The following PPP3CB variants were observed in gnomAD, a reference collection of about 807,000 sequenced individuals.
The protein encoded by PPP3CB is serine/threonine-protein phosphatase 2B catalytic subunit beta isoform.
A neutral mutation model predicts 66.4 loss-of-function variants in PPP3CB; 8 were observed. The observed-to-expected ratio is 0.12, with a 90% confidence interval of 0.07 to 0.22. PPP3CB has a LOEUF of 0.22. Among genes scored for constraint, PPP3CB ranks in the 10% least tolerant of loss-of-function variants. The pLI is 1.00. For missense variants in PPP3CB, 319 were observed against 642.5 expected, an observed-to-expected ratio of 0.50 and a Z score of 5.44; for synonymous variants, 208 against 221.2, an observed-to-expected ratio of 0.94 and a Z score of 0.53.
intron 10 of PPP3CB, among the ~76,000 whole-genome samples, chr10:73,453,787 T>C (rs2056381467): frequency 6.6e-6 from 1 of 152,232 alleles, no homozygotes; most frequent in Non-Finnish European, 1.5e-5. Flanking sequence ...TAATAAAGTT[T>C]TAAATAAAAA....
intron 3 of PPP3CB, among the ~76,000 whole-genome samples, chr10:73,478,294 A>G (rs2056823122): frequency 6.6e-6 from 1 of 152,262 alleles, no homozygotes; most frequent in South Asian, 2.1e-4. Context: ...TGGCAATTAT[A>G]ATTATATAAA....
At chr10:73,475,082 A>G in intron 3 of PPP3CB, 52 bp from the exon 4 acceptor site, 6 of 1,582,938 alleles carry the variant, frequency 3.8e-6, no homozygotes, top group Non-Finnish European at 5.1e-6. Flanking sequence ...TGTTTAATGA[A>G]GCTGCTTGAT....
intron 10 of PPP3CB, among the ~76,000 whole-genome samples, chr10:73,449,589 G>GA (rs1202584736): frequency 1.3e-5 from 2 of 152,036 alleles, no homozygotes; most frequent in East Asian, 1.9e-4. Context: ...TAAACACCTG[G>GA]AAAAAACTGC....
chr10:73,494,481 G>A (rs1163628901), intron 1 of PPP3CB, among the ~76,000 whole-genome samples: 1 of 151,876 alleles, frequency 6.6e-6, no homozygotes, highest in Non-Finnish European at 1.5e-5. Context: ...TTTTGGTAGA[G>A]AAAAGGTTTC....
chr10:73,451,079 C>G (rs1281877270), intron 10 of PPP3CB, among the ~76,000 whole-genome samples: 4 of 151,828 alleles, frequency 2.6e-5, no homozygotes, highest in African/African-American at 4.8e-5. Context: ...TACCTAAAAC[C>G]AAGTACTATA....
chr10:73,453,552 C>G (rs935324286), intron 10 of PPP3CB, among the ~76,000 whole-genome samples: 1 of 152,050 alleles, frequency 6.6e-6, no homozygotes, highest in African/African-American at 2.4e-5. Flanking sequence ...CGTGAGCCAC[C>G]ACATCTAGCC....
At chr10:73,446,646 T>C in intron 10 of PPP3CB, 73 bp from the exon 11 acceptor site, 1 of 1,379,178 alleles carries the variant, frequency 7.3e-7, no homozygotes, top group Non-Finnish European at 1.0e-6. Context: ...TCTATTAGCC[T>C]GTTCCACACT....
At chr10:73,469,442 T>C (rs765728418) in intron 8 of PPP3CB, among the ~76,000 whole-genome samples, 6 of 152,116 alleles carry the variant, frequency 3.9e-5, no homozygotes, top group Non-Finnish European at 8.8e-5. Flanking sequence ...TAGGGAGGGC[T>C]GAGGCAAGAG....
At chr10:73,486,193 C>T (rs2056973169) in intron 1 of PPP3CB, among the ~76,000 whole-genome samples, 1 of 151,974 alleles carries the variant, frequency 6.6e-6, no homozygotes, top group Non-Finnish European at 1.5e-5. Context: ...ATCCGCCTGC[C>T]TCGGCCTTCC....
At position 73,495,925 on chromosome 10, in the gene PPP3CB, CGGGGTT is replaced by C; in HGVS notation, c.-42_-37del. 1 of 120,712 alleles carries C rather than the reference CGGGGTT, an allele frequency of 8.3e-6. No individual in the cohort carries two copies. Among genetic ancestry groups the C allele is most frequent in the Non-Finnish European group, 1.4e-5 (1 of 71,328 alleles). The allele number at this position is 120,712 out of a possible 1,614,324, so 7.5% of individuals were successfully genotyped here. On this transcript the variant is annotated 5_prime_UTR_variant, in exon 1 of 14. Transcript: ENST00000360663. ...GGGCTCGGCTAGGCTCTGGGCCGGG[CGGGGTT>C]GGGGGCGGGGGCGGCGGCTACCAGA...
At chr10:73,464,115 A>G (rs1276034107) in intron 9 of PPP3CB, among the ~76,000 whole-genome samples, 1 of 152,082 alleles carries the variant, frequency 6.6e-6, no homozygotes, top group Non-Finnish European at 1.5e-5. Context: ...TTTTTAGTGG[A>G]GACAGGGTTT....
At chr10:73,457,691 T>C (rs1375358292) in intron 9 of PPP3CB, among the ~76,000 whole-genome samples, 1 of 147,184 alleles carries the variant, frequency 6.8e-6, no homozygotes, top group African/African-American at 2.5e-5. Flanking sequence ...TGAGCCAAGA[T>C]GGTACCACTG....
At chr10:73,451,529 C>A (rs1216871345) in intron 10 of PPP3CB, among the ~76,000 whole-genome samples, 1 of 151,734 alleles carries the variant, frequency 6.6e-6, no homozygotes, top group East Asian at 1.9e-4. Flanking sequence ...AGCAAGAGTT[C>A]TTGGTCTTAG....
chr10:73,440,065 A>G (rs1441923127), intron 12 of PPP3CB, among the ~76,000 whole-genome samples, 164 bp from the exon 13 acceptor site: 1 of 152,186 alleles, frequency 6.6e-6, no homozygotes, highest in East Asian at 1.9e-4. Flanking sequence ...AGCCCCATCC[A>G]AACCCCCAAT....
intron 1 of PPP3CB, among the ~76,000 whole-genome samples, chr10:73,495,108 G>C (rs1467941361): frequency 6.6e-6 from 1 of 152,186 alleles, no homozygotes; most frequent in African/African-American, 2.4e-5. Flanking sequence ...AACTCCTTTT[G>C]ACCAAAGTGT....
chr10:73,486,295 GTTT>G lies in PPP3CB; in HGVS notation c.86-6781_86-6779del, dbSNP rs1206671127. Among the ~76,000 whole-genome samples, 500 of 117,782 alleles carry G rather than the reference GTTT, an allele frequency of 4.2e-3. 1 individual carries two copies. The highest frequency in any genetic ancestry group is 0.014 in the African/African-American group (413 of 29,154). 77.3% of individuals were successfully genotyped at this position (117,782 alleles called of 152,430 possible). A position where few individuals can be genotyped will look rare whatever the true frequency, so the allele number is the denominator to read the frequency against. On this transcript the variant is annotated intron_variant, in intron 1 of 13. Coordinates refer to ENST00000360663, the MANE Select transcript of PPP3CB (RefSeq NM_021132.4). ...GGGTTTCACTATGTTGGCCAGACTG[GTTT>G]TTTTTTTTTTTTTTTTTTTCTTCTG...
chr10:73,481,488 C>CATAT (rs1259446580), intron 1 of PPP3CB, among the ~76,000 whole-genome samples: 4 of 148,946 alleles, frequency 2.7e-5, no homozygotes, highest in African/African-American at 7.4e-5. Context: ...TATATATATA[C>CATAT]ATATATATAT....
At chr10:73,440,884 C>T (rs985839407) in intron 12 of PPP3CB, among the ~76,000 whole-genome samples, 4 of 152,140 alleles carry the variant, frequency 2.6e-5, no homozygotes. Flanking sequence ...ATTAGTCAAA[C>T]ATTTTATAGT....
At chr10:73,467,755 T>C in intron 8 of PPP3CB, 77 bp from the exon 9 acceptor site, 1 of 1,358,412 alleles carries the variant, frequency 7.4e-7, no homozygotes, top group East Asian at 2.5e-5. Flanking sequence ...ATAAAATACA[T>C]AAAAGCAGAA....
Sources: allele counts gnomAD v4.1 joint callset (sites outside exome capture counted in the v4.1 genomes callset), GRCh38; gene constraint gnomAD v4.1.1; transcripts MANE v1.5; gene names NCBI Gene and HGNC (gene_info 2026-07-23, HGNC 2026-07-21).